PHKB: variants seen among roughly 807,000 people sequenced by gnomAD.
PHKB encodes phosphorylase b kinase regulatory subunit beta.
Under a neutral mutation model 152.1 loss-of-function variants are expected in PHKB, and 122 were observed. That is an observed-to-expected ratio of 0.80 (90% CI 0.69 to 0.93). The LOEUF (loss-of-function observed/expected upper bound fraction) is 0.93. PHKB is among the 40% of genes least tolerant of loss of function. The pLI, the probability that PHKB is intolerant of heterozygous loss-of-function variation, is 0.00. For missense variants in PHKB, 1,304 were observed against 1,328.4 expected (o/e 0.98, Z 0.29); for synonymous variants, 436 against 464.9 (o/e 0.94, Z 0.80).
intron 20 of PHKB, among the ~76,000 whole-genome samples, chr16:47,657,212 A>C (rs1186411535): frequency 3.3e-5 from 5 of 152,140 alleles, no homozygotes; most frequent in African/African-American, 4.8e-5. Flanking sequence ...TCATCTCTGC[A>C]TCCCCAGAGT....
Position 47,578,833 on chromosome 16 carries a change from A to G in PHKB, c.711-1462A>G, listed in dbSNP as rs181152587. ...TTCTACTCAGCCTTTGCTGGAATGG[A>G]TGGGGGTAGGGTAAAGTTTTTTCTG... On this transcript the variant is annotated intron_variant, in intron 7 of 30. Transcript: ENST00000323584. 3.0e-4 allele frequency among the ~76,000 whole-genome samples: 46 copies of G among 152,208 alleles called. No individual in the cohort carries two copies. The East Asian group carries it at 8.5e-3, about 28-fold the overall frequency.
intron 4 of PHKB, among the ~76,000 whole-genome samples, chr16:47,510,866 A>G (rs1457333783): frequency 6.6e-6 from 1 of 152,172 alleles, no homozygotes; most frequent in African/African-American, 2.4e-5. Flanking sequence ...TATTGCATTT[A>G]CCTAGAGGTA....
intron 14 of PHKB, among the ~76,000 whole-genome samples, chr16:47,618,236 A>G (rs928197703): frequency 1.1e-4 from 16 of 152,050 alleles, no homozygotes; most frequent in African/African-American, 3.6e-4. Flanking sequence ...GTATTTAAAT[A>G]CCTTGTTGTC....
chr16:47,672,795 A>G lies in PHKB; in HGVS notation c.2630+3378A>G, dbSNP rs150935382. On this transcript the variant is annotated intron_variant, in intron 26 of 30. Coordinates refer to ENST00000323584, the MANE Select transcript of PHKB (RefSeq NM_000293.3). The stretch of plus-strand genomic sequence containing the variant: ...AATGGATATTTATTCTAAAAATAGC[A>G]TTCTTTCTGTTTTTATATCTGTTAC... Among the ~76,000 whole-genome samples, 1,161 of 152,232 alleles carry G rather than the reference A, an allele frequency of 7.6e-3. 20 individuals carry two copies. The highest frequency in any genetic ancestry group is 0.026 in the African/African-American group (1,096 of 41,552).
chr16:47,555,329 G>A (rs1404533354), intron 7 of PHKB, among the ~76,000 whole-genome samples: 1 of 152,092 alleles, frequency 6.6e-6, no homozygotes, highest in Non-Finnish European at 1.5e-5. Context: ...GGTAGCTCAG[G>A]GATTTAAAAC....
intron 7 of PHKB, among the ~76,000 whole-genome samples, chr16:47,555,493 G>C (rs1971353323): frequency 6.6e-6 from 1 of 152,054 alleles, no homozygotes; most frequent in Non-Finnish European, 1.5e-5. Flanking sequence ...AACAAATGTT[G>C]CTTTATTTTA....
intron 11 of PHKB, 116 bp downstream of exon 11, chr16:47,593,673 T>C: frequency 1.4e-6 from 1 of 714,212 alleles, no homozygotes; most frequent in African/African-American, 1.8e-5. Context: ...GCTAGAAAAA[T>C]AGACTGCGCT....
chr16:47,581,716 G>A (rs1175163455), intron 8 of PHKB, among the ~76,000 whole-genome samples: 1 of 152,096 alleles, frequency 6.6e-6, no homozygotes, highest in African/African-American at 2.4e-5. Context: ...TCTCGCTCTT[G>A]TCTCCCAGGC....
chr16:47,653,876 G>A (rs753977563), intron 20 of PHKB, among the ~76,000 whole-genome samples: 8 of 152,290 alleles, frequency 5.3e-5, no homozygotes, highest in Non-Finnish European at 8.8e-5. Flanking sequence ...GTGGAGTAGA[G>A]CTTTTGGCAA....
At chr16:47,544,963 C>T (rs1445636402) in intron 6 of PHKB, among the ~76,000 whole-genome samples, 2 of 152,128 alleles carry the variant, frequency 1.3e-5, no homozygotes, top group African/African-American at 2.4e-5. Context: ...TTCCTCCATC[C>T]TTTTATTTTG....
At chr16:47,688,925 G>A (rs796785418) in intron 26 of PHKB, 116 bp from the exon 27 acceptor site, 1 of 1,076,036 alleles carries the variant, frequency 9.3e-7, no homozygotes, top group African/African-American at 1.5e-5. Flanking sequence ...AACTCAAACG[G>A]CCTCTTCTTC....
intron 1 of PHKB, among the ~76,000 whole-genome samples, chr16:47,491,171 C>T (rs1228601623): frequency 6.6e-6 from 1 of 152,152 alleles, no homozygotes; most frequent in Non-Finnish European, 1.5e-5. Context: ...GCATAATTGA[C>T]TCCTTCCAGC....
intron 6 of PHKB, among the ~76,000 whole-genome samples, chr16:47,530,378 C>G (rs1238628114): frequency 6.6e-6 from 1 of 152,046 alleles, no homozygotes; most frequent in Non-Finnish European, 1.5e-5. Context: ...TTTTGAACTC[C>G]TGGCCTCAAG....
intron 10 of PHKB, 59 bp from the exon 11 acceptor site, chr16:47,593,441 A>T: frequency 1.1e-6 from 1 of 932,932 alleles, no homozygotes; most frequent in Non-Finnish European, 1.7e-6. Flanking sequence ...TCTTGTCTCA[A>T]AATAATAATA....
At chr16:47,639,690 T>C (rs1480281662) in intron 14 of PHKB, among the ~76,000 whole-genome samples, 1 of 152,246 alleles carries the variant, frequency 6.6e-6, no homozygotes, top group Non-Finnish European at 1.5e-5. Context: ...AATTACAATC[T>C]ATAAACTGCC....
chr16:47,577,535 T>C (rs1971770261), intron 7 of PHKB, among the ~76,000 whole-genome samples: 1 of 152,182 alleles, frequency 6.6e-6, no homozygotes, highest in Non-Finnish European at 1.5e-5. Context: ...ATCCATTCTT[T>C]CAGGGTAGGT....
At chr16:47,580,590 A>G (rs1351265578) in intron 8 of PHKB, among the ~76,000 whole-genome samples, 1 of 147,246 alleles carries the variant, frequency 6.8e-6, no homozygotes, top group Non-Finnish European at 1.5e-5. Flanking sequence ...ATTTTTTTTG[A>G]TAAAGAATTC....
chr16:47,526,431 C>T (rs938634113), intron 6 of PHKB, among the ~76,000 whole-genome samples: 2 of 151,700 alleles, frequency 1.3e-5, no homozygotes, highest in Non-Finnish European at 2.9e-5. Context: ...AATTATTCAC[C>T]GTTGCTGATA....
chr16:47,644,299 T>C (rs1973077888), intron 16 of PHKB, among the ~76,000 whole-genome samples: 1 of 152,188 alleles, frequency 6.6e-6, no homozygotes, highest in South Asian at 2.1e-4. Flanking sequence ...CCACTGCTAT[T>C]CCAGAATCAA....
Sources: gnomAD v4.1 joint callset for allele counts (sites outside exome capture counted in the v4.1 genomes callset) on GRCh38, gnomAD v4.1.1 for gene constraint, MANE v1.5 for transcripts, NCBI Gene and HGNC (gene_info 2026-07-23, HGNC 2026-07-21) for gene names.